ADAMTS3: variants seen among roughly 807,000 people sequenced by gnomAD.
ADAMTS3 encodes the protein ADAM metallopeptidase with thrombospondin type 1 motif 3.
A neutral mutation model predicts 129.0 loss-of-function variants in ADAMTS3; 73 were observed. That is an observed-to-expected ratio of 0.57 (90% CI 0.47 to 0.69). The LOEUF (loss-of-function observed/expected upper bound fraction) is 0.69. Ranked by LOEUF, ADAMTS3 falls within the 30% of genes least tolerant of loss-of-function variation. The pLI, the probability that ADAMTS3 is intolerant of heterozygous loss-of-function variation, is 0.00. For missense variants in ADAMTS3, 1,457 were observed against 1,514.5 expected (o/e 0.96, Z 0.63); for synonymous variants, 477 against 510.8 (o/e 0.93, Z 0.89).
intron 17 of ADAMTS3, among the ~76,000 whole-genome samples, chr4:72,298,689 G>A (rs1401251397): frequency 6.6e-6 from 1 of 151,812 alleles, no homozygotes; most frequent in African/African-American, 2.4e-5. Context: ...GTAAGAGTTT[G>A]TATTATAAAA....
chr4:72,565,917 G>C (rs1270149999), intron 2 of ADAMTS3, among the ~76,000 whole-genome samples: 1 of 152,164 alleles, frequency 6.6e-6, no homozygotes, highest in Non-Finnish European at 1.5e-5. Context: ...GGTGGAATGG[G>C]TGATCTTAAG....
chr4:72,283,168 G>A lies in ADAMTS3; in HGVS notation c.3586C>T (p.Arg1196Cys), dbSNP rs147368234. Residue 1196 changes from arginine (R) to cysteine (C), a missense_variant, in exon 22 of 22, where the codon CGT (arginine) becomes TGT (cysteine). By Grantham distance (180) the Arg-to-Cys change is radical. Transcript: ENST00000286657. Reference sequence around the variant, plus strand: ...TCTAAGGTGGATGATCTTGTCGGACGTCTGTTGTCAATGATCTTTCCATCT... The same window carrying A: ...TCTAAGGTGGATGATCTTGTCGGACATCTGTTGTCAATGATCTTTCCATCT... ...KKDGKIIDNR[R>C]PTRSSTLER 5.7e-4 allele frequency: 924 copies of A among 1,612,578 alleles called. 2 individuals are homozygous for A. Among genetic ancestry groups the A allele is most frequent in the Non-Finnish European group, 7.3e-4 (863 of 1,179,190 alleles).
In ADAMTS3 at chr4:72,354,061, A is replaced by G. The variant is rs574035326; in HGVS notation, c.662-14368T>C. Reference sequence around the variant, plus strand: ...AGTGTACCAAAGGCATTGGATGTGGATAAGACGGGATAAGAGTTCACTTAT... The same window carrying G: ...AGTGTACCAAAGGCATTGGATGTGGGTAAGACGGGATAAGAGTTCACTTAT... On this transcript the variant is annotated intron_variant, in intron 4 of 21. Transcript: ENST00000286657. Among the ~76,000 whole-genome samples, 132 of 152,164 alleles carry G rather than the reference A, an allele frequency of 8.7e-4. 1 individual carries two copies. Among genetic ancestry groups the G allele is most frequent in the African/African-American group, 3.1e-3 (128 of 41,536 alleles).
chr4:72,507,052 G>A (rs1353144962), intron 3 of ADAMTS3, among the ~76,000 whole-genome samples: 1 of 152,150 alleles, frequency 6.6e-6, no homozygotes, highest in East Asian at 1.9e-4. Context: ...AGTGAATGAA[G>A]GAAAAAGTGG....
At chr4:72,417,924 C>T (rs1476518133) in intron 3 of ADAMTS3, among the ~76,000 whole-genome samples, 1 of 18,678 alleles carries the variant, frequency 5.4e-5, no homozygotes, top group Non-Finnish European at 1.6e-4. Context: ...CAGAGGGAGA[C>T]TCCATCTCAA....
intron 4 of ADAMTS3, among the ~76,000 whole-genome samples, chr4:72,342,224 T>C (rs754042000): frequency 6.6e-6 from 1 of 152,162 alleles, no homozygotes; most frequent in Admixed American, 6.5e-5. Context: ...ACAACTAAAC[T>C]GCCTTTGTAA....
chr4:72,494,861 T>C (rs1446136634), intron 3 of ADAMTS3, among the ~76,000 whole-genome samples: 1 of 152,152 alleles, frequency 6.6e-6, no homozygotes, highest in African/African-American at 2.4e-5. Flanking sequence ...TTACATCAGC[T>C]AGGTCAGCAT....
intron 4 of ADAMTS3, among the ~76,000 whole-genome samples, chr4:72,385,815 T>C (rs925144815): frequency 6.6e-6 from 1 of 152,214 alleles, no homozygotes; most frequent in Admixed American, 6.5e-5. Flanking sequence ...AATATACCCA[T>C]GTAACAAACC....
intron 19 of ADAMTS3, among the ~76,000 whole-genome samples, chr4:72,293,299 A>G (rs2109774955): frequency 6.6e-6 from 1 of 152,328 alleles, no homozygotes; most frequent in African/African-American, 2.4e-5. Context: ...GGAAGCAGTT[A>G]GACCTCCTGA....
chr4:72,346,082 C>T (rs1720275978), intron 4 of ADAMTS3, among the ~76,000 whole-genome samples: 1 of 152,128 alleles, frequency 6.6e-6, no homozygotes, highest in South Asian at 2.1e-4. Flanking sequence ...GGTGTACAAA[C>T]TTTGCCTTCA....
intron 4 of ADAMTS3, among the ~76,000 whole-genome samples, chr4:72,365,030 C>T (rs1011137853): frequency 1.1e-4 from 16 of 152,182 alleles, no homozygotes; most frequent in African/African-American, 3.6e-4. Context: ...TTCCTGTTTG[C>T]ATCTGCAATG....
At chr4:72,564,183 G>A (rs1560569425) in intron 2 of ADAMTS3, among the ~76,000 whole-genome samples, 1 of 152,144 alleles carries the variant, frequency 6.6e-6, no homozygotes. Context: ...AGGGAAGACA[G>A]CTTAACACTA....
At chr4:72,329,444 T>C (rs780536741) in intron 5 of ADAMTS3, among the ~76,000 whole-genome samples, 1 of 152,166 alleles carries the variant, frequency 6.6e-6, no homozygotes, top group East Asian at 1.9e-4. Context: ...CTCAGAATCC[T>C]ATAGAGAACA....
intron 3 of ADAMTS3, among the ~76,000 whole-genome samples, chr4:72,472,837 T>G (rs1179531196): frequency 6.6e-6 from 1 of 152,138 alleles, no homozygotes; most frequent in Non-Finnish European, 1.5e-5. Context: ...CTGCACGAAC[T>G]TTGGCTAGCA....
chr4:72,448,000 AC>A (rs1174694830), intron 3 of ADAMTS3, among the ~76,000 whole-genome samples: 3 of 151,550 alleles, frequency 2.0e-5, no homozygotes, highest in Non-Finnish European at 4.4e-5. Context: ...TAAAGTATAA[AC>A]CCAAAGGGGA....
At chr4:72,326,861 T>A (rs993625441) in intron 5 of ADAMTS3, among the ~76,000 whole-genome samples, 18 of 152,138 alleles carry the variant, frequency 1.2e-4, no homozygotes, top group African/African-American at 4.3e-4. Flanking sequence ...TCAATAAAAT[T>A]ACTGGGAAAA....
At chr4:72,384,390 A>G (rs1412982997) in intron 4 of ADAMTS3, among the ~76,000 whole-genome samples, 1 of 152,230 alleles carries the variant, frequency 6.6e-6, no homozygotes, top group African/African-American at 2.4e-5. Context: ...AAAACCACAG[A>G]TAACAGAAGA....
intron 3 of ADAMTS3, among the ~76,000 whole-genome samples, chr4:72,431,813 C>T (rs1198727955): frequency 6.6e-6 from 1 of 151,814 alleles, no homozygotes; most frequent in East Asian, 2.0e-4. Flanking sequence ...AGAGGCGATA[C>T]ATAAGATTTA....
intron 3 of ADAMTS3, among the ~76,000 whole-genome samples, chr4:72,459,518 C>T (rs1273948672): frequency 6.6e-6 from 1 of 151,478 alleles, no homozygotes; most frequent in Non-Finnish European, 1.5e-5. Flanking sequence ...TTTTCTACCT[C>T]TGGGCTAGTT....
Sources: gnomAD v4.1 joint callset for allele counts (sites outside exome capture counted in the v4.1 genomes callset) on GRCh38, gnomAD v4.1.1 for gene constraint, MANE v1.5 for transcripts, NCBI Gene and HGNC (gene_info 2026-07-23, HGNC 2026-07-21) for gene names.